The following CSMD1 variants were observed in gnomAD, a reference collection of about 807,000 sequenced individuals.
CSMD1 encodes CUB and Sushi multiple domains 1.
In CSMD1, 213 loss-of-function variants were observed where a neutral mutation model predicts 417.5. The ratio of observed to expected loss-of-function variants is 0.51; its 90% CI spans 0.46 to 0.57. The LOEUF is 0.57. CSMD1 is among the 20% of genes least tolerant of loss of function. CSMD1 has a pLI of 0.00. For missense variants in CSMD1, 6,923 were observed against 4,529.7 expected (o/e 1.53, Z -15.17); for synonymous variants, 2,862 against 1,736.8 (o/e 1.65, Z -16.11).
chr8:3,252,456 C>A (rs868346327), intron 26 of CSMD1, among the ~76,000 whole-genome samples: 124 of 152,268 alleles, frequency 8.1e-4, no homozygotes, highest in African/African-American at 2.9e-3. Context: ...TTGTTGGATT[C>A]ACTTTGCCAG....
intron 29 of CSMD1, among the ~76,000 whole-genome samples, chr8:3,215,989 G>A (rs1417100379): frequency 2.7e-5 from 4 of 149,370 alleles, no homozygotes; most frequent in South Asian, 4.2e-4. Flanking sequence ...TTATAATAAT[G>A]TATTATATTT....
intron 23 of CSMD1, among the ~76,000 whole-genome samples, chr8:3,322,972 A>G (rs1237947275): frequency 6.6e-6 from 1 of 152,128 alleles, no homozygotes. Context: ...GAACTTAATG[A>G]CACTGAAGCC....
intron 3 of CSMD1, among the ~76,000 whole-genome samples, chr8:4,417,013 A>G (rs1174577660): frequency 1.3e-5 from 2 of 152,074 alleles, no homozygotes; most frequent in Admixed American, 6.6e-5. Context: ...AATTAAGACT[A>G]ATGTCCAAGT....
intron 5 of CSMD1, among the ~76,000 whole-genome samples, chr8:3,865,701 A>G (rs1160482823): frequency 6.6e-6 from 1 of 152,200 alleles, no homozygotes; most frequent in Non-Finnish European, 1.5e-5. Context: ...CCAACGGAGC[A>G]GTAAATACAA....
intron 5 of CSMD1, among the ~76,000 whole-genome samples, chr8:3,876,633 A>G (rs1805843389): frequency 6.6e-6 from 1 of 152,160 alleles, no homozygotes; most frequent in African/African-American, 2.4e-5. Flanking sequence ...TTTTTGAGAC[A>G]GAGTCTTGCT....
chr8:3,577,136 C>G (rs1286850989), intron 9 of CSMD1, among the ~76,000 whole-genome samples: 1 of 152,198 alleles, frequency 6.6e-6, no homozygotes, highest in East Asian at 1.9e-4. Flanking sequence ...ATCCCTAAAG[C>G]TGGCCCCGCC....
At chr8:4,686,928 C>T (rs1488517010) in intron 1 of CSMD1, among the ~76,000 whole-genome samples, 4 of 152,294 alleles carry the variant, frequency 2.6e-5, no homozygotes, top group African/African-American at 7.2e-5. Context: ...AGAATGGAGA[C>T]GCACTTGGAA....
intron 27 of CSMD1, among the ~76,000 whole-genome samples, chr8:3,226,409 C>G (rs533202921): frequency 7.9e-5 from 12 of 152,072 alleles, no homozygotes; most frequent in African/African-American, 2.7e-4. Context: ...ATAGCAAAAC[C>G]TAGTCTCTAC....
At chr8:3,942,780 A>G (rs895688040) in intron 5 of CSMD1, among the ~76,000 whole-genome samples, 2 of 152,222 alleles carry the variant, frequency 1.3e-5, no homozygotes, top group Admixed American at 6.5e-5. Flanking sequence ...TTATTTAAAC[A>G]GTTACTGGGA....
At chr8:3,372,687 G>T (rs2116724026) in intron 18 of CSMD1, among the ~76,000 whole-genome samples, 1 of 152,276 alleles carries the variant, frequency 6.6e-6, no homozygotes, top group South Asian at 2.1e-4. Context: ...GGTCATGAGT[G>T]TAAGGCAGGC....
chr8:4,319,645 A>C (rs1799151616), intron 3 of CSMD1, among the ~76,000 whole-genome samples: 1 of 152,138 alleles, frequency 6.6e-6, no homozygotes, highest in Non-Finnish European at 1.5e-5. Context: ...TACCCAGTTC[A>C]CTGCCTGGAA....
intron 17 of CSMD1, among the ~76,000 whole-genome samples, chr8:3,395,304 C>T (rs976144908): frequency 2.6e-5 from 4 of 152,110 alleles, no homozygotes; most frequent in South Asian, 2.1e-4. Context: ...TAGTAATTGC[C>T]ACTTTTTCTC....
chr8:4,145,312 TCACC>T (rs1804044746), intron 3 of CSMD1, among the ~76,000 whole-genome samples: 3 of 151,122 alleles, frequency 2.0e-5, no homozygotes, highest in Non-Finnish European at 2.9e-5. Flanking sequence ...TTTATGGTAC[TCACC>T]ATTTTTTGAG....
rs761939903 is a variant in CSMD1 at position 3,307,689 on chromosome 8, A to C, written c.3950+6T>G. ...CAAATCACTGAAACCAAAATAAAAC[A>C]AGTACCTAATGGTCTTTCCTGGGTC... is the stretch of plus-strand genomic sequence containing the variant. On this transcript the variant is annotated splice_donor_region_variant and intron_variant, in intron 25 of 69. Coordinates refer to ENST00000635120, the MANE Select transcript of CSMD1 (RefSeq NM_033225.6). The C allele has an allele frequency of 1.2e-6, 2 of 1,612,250 alleles. No individual in the cohort carries two copies. The highest frequency in any genetic ancestry group is 1.7e-6 in the Non-Finnish European group (2 of 1,179,144).
chr8:4,719,564 T>G (rs1584994182), intron 1 of CSMD1, among the ~76,000 whole-genome samples: 2 of 151,440 alleles, frequency 1.3e-5, no homozygotes, highest in Admixed American at 6.6e-5. Flanking sequence ...TTTTAAGAAT[T>G]ATTGCATCCT....
chr8:4,704,590 T>C (rs982213448), intron 1 of CSMD1, among the ~76,000 whole-genome samples: 2 of 152,228 alleles, frequency 1.3e-5, no homozygotes, highest in Non-Finnish European at 2.9e-5. Context: ...CATAACCACA[T>C]CGATCAACTC....
intron 4 of CSMD1, among the ~76,000 whole-genome samples, chr8:4,019,842 C>A (rs1385972187): frequency 6.6e-6 from 1 of 151,404 alleles, no homozygotes; most frequent in African/African-American, 2.4e-5. Flanking sequence ...GTCCTTTTTC[C>A]TGAGCCCCAA....
At chr8:4,431,366 G>A (rs189744303) in intron 2 of CSMD1, among the ~76,000 whole-genome samples, 179 of 152,214 alleles carry the variant, frequency 1.2e-3, no homozygotes, top group African/African-American at 4.1e-3. Flanking sequence ...ACCAATAGTT[G>A]GGAGGAATTC....
chr8:4,078,448 G>A (rs560573170), intron 3 of CSMD1, among the ~76,000 whole-genome samples: 3 of 150,854 alleles, frequency 2.0e-5, no homozygotes, highest in East Asian at 2.0e-4. Flanking sequence ...TTGAATAGCT[G>A]GGACTACAGG....
Sources: allele counts gnomAD v4.1 joint callset (sites outside exome capture counted in the v4.1 genomes callset), GRCh38; gene constraint gnomAD v4.1.1; transcripts MANE v1.5; gene names NCBI Gene and HGNC (gene_info 2026-07-23, HGNC 2026-07-21).